The following GPC6 variants were observed in gnomAD, a reference collection of about 807,000 sequenced individuals.
GPC6 encodes glypican-6.
Under a neutral mutation model 55.2 loss-of-function variants are expected in GPC6, and 14 were observed. The observed-to-expected ratio is 0.25, with a 90% CI of 0.17 to 0.40. The LOEUF (loss-of-function observed/expected upper bound fraction) is 0.40. GPC6 is among the 10% of genes least tolerant of loss of function. The probability of loss-of-function intolerance (pLI) is 1.00; values close to 1 mark genes in which losing one functional copy is unlikely to be tolerated. For synonymous variants in GPC6, 278 were observed against 259.6 expected (o/e 1.07, Z -0.68); for missense variants, 641 against 708.5 (o/e 0.90, Z 1.08).
At chr13:93,824,034 T>G (rs904702778) in intron 2 of GPC6, among the ~76,000 whole-genome samples, 6 of 152,174 alleles carry the variant, frequency 3.9e-5, no homozygotes, top group African/African-American at 1.4e-4. Context: ...TAAAATAAAC[T>G]GTAATTTAAA....
At chr13:93,478,102 T>C (rs1245585013) in intron 1 of GPC6, among the ~76,000 whole-genome samples, 1 of 152,136 alleles carries the variant, frequency 6.6e-6, no homozygotes, top group Non-Finnish European at 1.5e-5. Context: ...GGTTTAAATC[T>C]GGTCAAGAAA....
chr13:94,050,578 G>A (rs1004588240), intron 4 of GPC6, among the ~76,000 whole-genome samples: 1 of 152,182 alleles, frequency 6.6e-6, no homozygotes, highest in Admixed American at 6.5e-5. Flanking sequence ...AGCCTGCTAA[G>A]CAGGCACAGA....
At chr13:93,650,175 G>A (rs1252454778) in intron 2 of GPC6, among the ~76,000 whole-genome samples, 1 of 151,998 alleles carries the variant, frequency 6.6e-6, no homozygotes, top group East Asian at 1.9e-4. Context: ...TAAGGAACCT[G>A]AATTAACATA....
chr13:94,378,960 G>A (rs1023051948), intron 6 of GPC6, among the ~76,000 whole-genome samples: 1 of 151,824 alleles, frequency 6.6e-6, no homozygotes. Context: ...AATGAATTAG[G>A]GCTCACTGTC....
chr13:93,444,082 A>G (rs930763325), intron 1 of GPC6, among the ~76,000 whole-genome samples: 7 of 152,014 alleles, frequency 4.6e-5, no homozygotes, highest in African/African-American at 1.7e-4. Flanking sequence ...ATCAACATTT[A>G]TTAGTGAATC....
At chr13:94,122,342 T>C (rs835968) in intron 4 of GPC6, among the ~76,000 whole-genome samples, 142,696 of 152,068 alleles carry the variant, frequency 0.94, 67,488 homozygotes, top group Non-Finnish European at 0.99. Flanking sequence ...CAGATTGTTC[T>C]GCCTGCATCT....
At chr13:93,449,555 G>A (rs1373181447) in intron 1 of GPC6, among the ~76,000 whole-genome samples, 4 of 152,140 alleles carry the variant, frequency 2.6e-5, no homozygotes, top group African/African-American at 4.8e-5. Flanking sequence ...TAGGCCGGGC[G>A]CGGTGCTCAC....
intron 3 of GPC6, among the ~76,000 whole-genome samples, chr13:93,912,533 G>A (rs1248904809): frequency 6.6e-6 from 1 of 152,214 alleles, no homozygotes; most frequent in Non-Finnish European, 1.5e-5. Context: ...CACAAGGTCA[G>A]GAGATCGAGA....
At chr13:94,143,641 C>T (rs1227345157) in intron 4 of GPC6, among the ~76,000 whole-genome samples, 1 of 152,120 alleles carries the variant, frequency 6.6e-6, no homozygotes, top group Non-Finnish European at 1.5e-5. Flanking sequence ...ATAATCCCTG[C>T]ACTTTGGAGG....
rs375880197 is a variant in GPC6 at position 93,604,999 on chromosome 13, A to G, written c.319+59578A>G. Among the ~76,000 whole-genome samples the G allele has an allele frequency of 3.5e-4, 54 of 152,314 alleles. No individual in the cohort carries two copies. In the East Asian group the frequency reaches 3.7e-3, roughly 10 times the overall value. On this transcript the variant is annotated intron_variant, in intron 2 of 8. Transcript: ENST00000377047. ...TTGAACCCTGGCTTTACTACCTGCT[A>G]TGCTGCAATTGCTTCATGGGGAAAA...
chr13:94,367,410 T>A (rs1414589830), intron 6 of GPC6, among the ~76,000 whole-genome samples: 1 of 152,234 alleles, frequency 6.6e-6, no homozygotes, highest in Non-Finnish European at 1.5e-5. Flanking sequence ...ACGTATAGGA[T>A]GCCTACTGCA....
chr13:94,153,965 C>A (rs556505298), intron 4 of GPC6, among the ~76,000 whole-genome samples: 12 of 152,110 alleles, frequency 7.9e-5, no homozygotes, highest in Non-Finnish European at 1.6e-4. Context: ...TGAAAAAATA[C>A]TATATAAGAC....
chr13:94,333,783 C>A (rs920204742), intron 6 of GPC6, among the ~76,000 whole-genome samples: 2 of 152,168 alleles, frequency 1.3e-5, no homozygotes, highest in African/African-American at 4.8e-5. Context: ...TTACCATTCC[C>A]TTTCCACTGC....
chr13:94,267,693 G>A (rs888741430), intron 4 of GPC6, among the ~76,000 whole-genome samples: 2 of 152,170 alleles, frequency 1.3e-5, no homozygotes, highest in African/African-American at 2.4e-5. Context: ...CTGAAAAAGA[G>A]CTTCATGCAC....
intron 1 of GPC6, among the ~76,000 whole-genome samples, chr13:93,314,816 TAGA>T (rs1370573772): frequency 1.3e-5 from 2 of 152,030 alleles, no homozygotes; most frequent in Non-Finnish European, 2.9e-5. Flanking sequence ...AATCATTTTA[TAGA>T]AGAAGATTAA....
intron 1 of GPC6, among the ~76,000 whole-genome samples, chr13:93,399,374 T>C (rs185723623): frequency 6.6e-6 from 1 of 152,320 alleles, no homozygotes; most frequent in Admixed American, 6.5e-5. Flanking sequence ...GCCTGATTTG[T>C]TTCCCCTATG....
rs79206519 is a variant in GPC6 at position 94,105,714 on chromosome 13, T to C, written c.877+77820T>C. Among the ~76,000 whole-genome samples, 969 of 152,220 alleles carry C rather than the reference T, an allele frequency of 6.4e-3. 6 individuals are homozygous for C. Among genetic ancestry groups the C allele is most frequent in the African/African-American group, 0.022 (916 of 41,538 alleles). ...TTAATTAGATTTTAAAGCACAACAA[T>C]TAAATAGAAAGCAAACCAAGATAGT... is the stretch of plus-strand genomic sequence containing the variant. On this transcript the variant is annotated intron_variant, in intron 4 of 8. Coordinates refer to ENST00000377047, the MANE Select transcript of GPC6 (RefSeq NM_005708.5).
At chr13:93,553,694 C>CAAAAAA (rs34521652) in intron 2 of GPC6, among the ~76,000 whole-genome samples, 2 of 56,634 alleles carry the variant, frequency 3.5e-5, no homozygotes, top group African/African-American at 6.7e-5. Flanking sequence ...GACTCCATCT[C>CAAAAAA]AAAAAAAAAA....
chr13:93,903,327 A>T (rs983872203), intron 3 of GPC6, among the ~76,000 whole-genome samples: 1 of 152,134 alleles, frequency 6.6e-6, no homozygotes, highest in Admixed American at 6.6e-5. Flanking sequence ...GGTTTAGACC[A>T]ATATTGTTAC....
Sources: gnomAD v4.1 joint callset for allele counts (sites outside exome capture counted in the v4.1 genomes callset) on GRCh38, gnomAD v4.1.1 for gene constraint, MANE v1.5 for transcripts, NCBI Gene and HGNC (gene_info 2026-07-23, HGNC 2026-07-21) for gene names.